Variants in DLG2 observed in about 807,000 individuals in gnomAD.
DLG2 encodes the protein disks large homolog 2.
In DLG2, 45 loss-of-function variants were observed where a neutral mutation model predicts 132.5. The observed-to-expected ratio is 0.34, with a 90% CI of 0.27 to 0.44. The LOEUF (loss-of-function observed/expected upper bound fraction) is 0.44. Ranked by LOEUF, DLG2 falls within the 20% of genes least tolerant of loss-of-function variation. DLG2 has a pLI of 1.00. For missense variants in DLG2, 1,045 were observed against 1,196.9 expected (o/e 0.87, Z 1.87); for synonymous variants, 424 against 419.6 (o/e 1.01, Z -0.13).
At chr11:84,037,508 A>G (rs1344704511) in intron 11 of DLG2, among the ~76,000 whole-genome samples, 2 of 152,160 alleles carry the variant, frequency 1.3e-5, no homozygotes, top group African/African-American at 4.8e-5. Flanking sequence ...TTTATATAAC[A>G]TATTGACTTA....
At chr11:84,964,198 AC>A (rs1356841373) in intron 6 of DLG2, among the ~76,000 whole-genome samples, 4 of 152,110 alleles carry the variant, frequency 2.6e-5, no homozygotes, top group Admixed American at 6.6e-5. Context: ...CAGAAAAAAA[AC>A]AGAAAAGTAT....
At chr11:84,645,926 C>A (rs1204278410) in intron 6 of DLG2, among the ~76,000 whole-genome samples, 1 of 152,170 alleles carries the variant, frequency 6.6e-6, no homozygotes, top group East Asian at 1.9e-4. Flanking sequence ...TCACAACATT[C>A]AGGCTAACTC....
chr11:84,214,803 A>G (rs2096813535), intron 8 of DLG2, among the ~76,000 whole-genome samples: 1 of 152,190 alleles, frequency 6.6e-6, no homozygotes, highest in Admixed American at 6.5e-5. Context: ...TCTTGGCTCA[A>G]TTTTAAGAGT....
At chr11:83,899,491 G>A (rs1382145478) in intron 15 of DLG2, among the ~76,000 whole-genome samples, 3 of 152,182 alleles carry the variant, frequency 2.0e-5, no homozygotes, top group African/African-American at 7.2e-5. Context: ...ATTCCCATAT[G>A]TTGTGGGAGG....
At chr11:83,958,345 G>C (rs965190439) in intron 14 of DLG2, among the ~76,000 whole-genome samples, 1 of 152,154 alleles carries the variant, frequency 6.6e-6, no homozygotes, top group Non-Finnish European at 1.5e-5. Flanking sequence ...TTCTTGTAAA[G>C]TGTCTGTGGA....
intron 7 of DLG2, among the ~76,000 whole-genome samples, chr11:84,366,530 A>C (rs1177216936): frequency 6.6e-6 from 1 of 152,176 alleles, no homozygotes; most frequent in African/African-American, 2.4e-5. Context: ...AATTGGATAG[A>C]GTCAAGACCC....
At chr11:84,101,788 G>A (rs2092548612) in intron 9 of DLG2, among the ~76,000 whole-genome samples, 1 of 152,098 alleles carries the variant, frequency 6.6e-6, no homozygotes, top group Admixed American at 6.6e-5. Flanking sequence ...ATAATGTCTT[G>A]ATTAATGAGA....
chr11:84,242,336 C>A (rs143833684), intron 8 of DLG2, among the ~76,000 whole-genome samples: 1 of 151,936 alleles, frequency 6.6e-6, no homozygotes, highest in African/African-American at 2.4e-5. Flanking sequence ...TAGGTCAGGT[C>A]TTCTGTTGGT....
intron 7 of DLG2, among the ~76,000 whole-genome samples, chr11:84,401,138 G>A (rs1487340321): frequency 6.6e-6 from 1 of 152,058 alleles, no homozygotes; most frequent in Non-Finnish European, 1.5e-5. Flanking sequence ...CTTTCCTAGT[G>A]TCAGACAGCA....
In DLG2 at chr11:84,928,447, T is replaced by C. The variant is rs560182316; in HGVS notation, c.357+183214A>G. Among the ~76,000 whole-genome samples the C allele has an allele frequency of 8.5e-4, 130 of 152,074 alleles. 2 individuals carry two copies. The Middle Eastern group carries it at 0.01, about 12-fold the overall frequency. ...AAGTCAAATATATAACTTGTGCACA[T>C]TGCTAGTCCCATTACCTAGAACATG... is the stretch of plus-strand genomic sequence containing the variant. On this transcript the variant is annotated intron_variant, in intron 6 of 27. Coordinates refer to ENST00000376104, the MANE Select transcript of DLG2 (RefSeq NM_001142699.3).
chr11:84,084,122 A>C (rs2096940774), intron 10 of DLG2, among the ~76,000 whole-genome samples: 1 of 152,138 alleles, frequency 6.6e-6, no homozygotes, highest in Admixed American at 6.5e-5. Flanking sequence ...AAAGTGACCA[A>C]AGGGCAACTA....
At chr11:85,287,771 A>G (rs72950158) in intron 3 of DLG2, among the ~76,000 whole-genome samples, 5,095 of 152,170 alleles carry the variant, frequency 0.033, 104 homozygotes, top group East Asian at 0.094. Flanking sequence ...ATAAATTGTG[A>G]TATGTTCTCA....
chr11:83,893,545 C>T (rs553332891), intron 15 of DLG2, among the ~76,000 whole-genome samples: 1 of 152,312 alleles, frequency 6.6e-6, no homozygotes, highest in East Asian at 1.9e-4. Context: ...CCCTGAGATG[C>T]CTTCCCTGGT....
At chr11:85,080,078 T>C (rs2067047323) in intron 6 of DLG2, among the ~76,000 whole-genome samples, 1 of 152,122 alleles carries the variant, frequency 6.6e-6, no homozygotes, top group Non-Finnish European at 1.5e-5. Flanking sequence ...CTATCCTTGA[T>C]TTGAAGAATT....
intron 6 of DLG2, among the ~76,000 whole-genome samples, chr11:84,541,607 C>T (rs474530): frequency 0.084 from 12,703 of 152,100 alleles, 626 homozygotes; most frequent in Admixed American, 0.15. Context: ...CCCACAAATG[C>T]CTCAAGAGCA....
intron 7 of DLG2, among the ~76,000 whole-genome samples, chr11:84,515,313 ACACC>A (rs1329666076): frequency 1.4e-5 from 2 of 141,456 alleles, no homozygotes; most frequent in African/African-American, 2.5e-5. Flanking sequence ...ACACACACAC[ACACC>A]CCAAATATAT....
chr11:84,101,908 G>A (rs1024452766), intron 9 of DLG2, among the ~76,000 whole-genome samples: 8 of 152,220 alleles, frequency 5.3e-5, no homozygotes, highest in Middle Eastern at 3.4e-3. Context: ...AAAGATATTC[G>A]TGATCTAACT....
chr11:84,786,194 T>C (rs1351800818), intron 6 of DLG2, among the ~76,000 whole-genome samples: 2 of 151,980 alleles, frequency 1.3e-5, no homozygotes, highest in Non-Finnish European at 2.9e-5. Context: ...TTATCCCAGC[T>C]CCCCCAGTTG....
intron 7 of DLG2, among the ~76,000 whole-genome samples, chr11:84,353,938 A>T (rs561712241): frequency 6.6e-6 from 1 of 152,142 alleles, no homozygotes; most frequent in African/African-American, 2.4e-5. Flanking sequence ...CTGATATAAG[A>T]TCCCCCCACT....
Sources: gnomAD v4.1 joint callset for allele counts (sites outside exome capture counted in the v4.1 genomes callset) on GRCh38, gnomAD v4.1.1 for gene constraint, MANE v1.5 for transcripts, NCBI Gene and HGNC (gene_info 2026-07-23, HGNC 2026-07-21) for gene names.